Variants in MRE11 observed in about 807,000 individuals in gnomAD.
MRE11 encodes MRE11 double strand break repair nuclease.
A neutral mutation model predicts 91.7 loss-of-function variants in MRE11; 62 were observed. The observed-to-expected ratio is 0.68, with a 90% CI of 0.55 to 0.84. The LOEUF is 0.84. Ranked by LOEUF, MRE11 falls within the 40% of genes least tolerant of loss-of-function variation. The pLI, the probability that MRE11 is intolerant of heterozygous loss-of-function variation, is 0.00. For synonymous variants in MRE11, 273 were observed against 271.4 expected, an observed-to-expected ratio of 1.01 and a Z score of -0.06; for missense variants, 796 against 852.9, an observed-to-expected ratio of 0.93 and a Z score of 0.83.
At chr11:94,495,274 C>T (rs1186326934), upstream of MRE11, among the ~76,000 whole-genome samples, 2 of 152,070 alleles carry the variant, frequency 1.3e-5, no homozygotes, top group Admixed American at 6.5e-5. Flanking sequence ...TTCTCAGAAT[C>T]CATTCCAGGC....
intron 16 of MRE11, among the ~76,000 whole-genome samples, chr11:94,442,432 C>T (rs1945805940): frequency 6.6e-6 from 1 of 151,850 alleles, no homozygotes; most frequent in Non-Finnish European, 1.5e-5. Context: ...GAAAGCTTAA[C>T]ATAAAACAAG....
At chr11:94,506,592 TG>T in the MRE11 span, among the ~76,000 whole-genome samples, 125 of 148,242 alleles carry the variant, frequency 8.4e-4, 1 homozygote, top group African/African-American at 3.1e-3. Context: ...TTGCTTTTTT[TG>T]TTTTTTTTTT....
chr11:94,482,140 T>C (rs1270146), intron 4 of MRE11, among the ~76,000 whole-genome samples: 78,132 of 152,042 alleles, frequency 0.51, 20,672 homozygotes, highest in African/African-American at 0.64. Flanking sequence ...TTAAGAACAA[T>C]GAGAAAATCT....
chr11:94,456,472 A>G (rs879332345), intron 13 of MRE11, 134 bp from the exon 14 acceptor site: 12 of 721,284 alleles, frequency 1.7e-5, no homozygotes, highest in Non-Finnish European at 2.8e-5. Flanking sequence ...AAAGTAAATC[A>G]TATTTTTCCA....
chr11:94,477,241 A>C (rs749668444), intron 6 of MRE11, among the ~76,000 whole-genome samples: 1 of 152,180 alleles, frequency 6.6e-6, no homozygotes, highest in Non-Finnish European at 1.5e-5. Context: ...GCAGAAATAA[A>C]TATTAAAAGG....
At chr11:94,496,974 G>A (rs1195342126), upstream of MRE11, 1 of 1,611,434 alleles carries the variant, frequency 6.2e-7, no homozygotes, top group Non-Finnish European at 8.5e-7. Flanking sequence ...ATTACAGAGG[G>A]AAGTGTGACA....
rs1211075287 is a variant in MRE11, at chr11:94,417,055, CAACCTCTGCCTCCTGGGTTCA to C, written c.*3049_*3069del. 1 of 153,126 alleles carries C rather than the reference CAACCTCTGCCTCCTGGGTTCA, an allele frequency of 6.5e-6. No individual in the cohort carries two copies. Among genetic ancestry groups the C allele is most frequent in the Non-Finnish European group, 1.5e-5 (1 of 68,856 alleles). The allele number at this position is 153,126 out of a possible 1,614,324, so 9.5% of individuals were successfully genotyped here. A position where few individuals can be genotyped will look rare whatever the true frequency, so the allele number is the denominator to read the frequency against. ...GCAATGGCACAATCTCGGCTCACTG[CAACCTCTGCCTCCTGGGTTCA>C]AGCGATTCTCCTGCCTCAGCCTCCT... On this transcript the variant is annotated 3_prime_UTR_variant, in exon 20 of 20. Transcript: ENST00000323929.
intron 19 of MRE11, among the ~76,000 whole-genome samples, chr11:94,420,907 C>G (rs1221650532): frequency 1.3e-5 from 2 of 152,080 alleles, no homozygotes; most frequent in Non-Finnish European, 2.9e-5. Context: ...TGGCGGGCGC[C>G]TGTAGTCCCA....
At chr11:94,459,252 T>C (rs1269749445) in intron 13 of MRE11, among the ~76,000 whole-genome samples, 156 bp downstream of exon 13, 1 of 152,228 alleles carries the variant, frequency 6.6e-6, no homozygotes, top group African/African-American at 2.4e-5. Flanking sequence ...TTCTACATTT[T>C]CTAATTTAAC....
At chr11:94,498,625 T>C (rs1947451888), upstream of MRE11, 3 of 1,122,740 alleles carry the variant, frequency 2.7e-6, no homozygotes, top group African/African-American at 3.1e-5. Flanking sequence ...AACATCTTAC[T>C]ACAAAAATTC....
chr11:94,445,026 G>C (rs1422364850), intron 16 of MRE11, among the ~76,000 whole-genome samples: 1 of 151,978 alleles, frequency 6.6e-6, no homozygotes, highest in Non-Finnish European at 1.5e-5. Context: ...TAGTTAAACA[G>C]ATCCCCTTGA....
intron 13 of MRE11, among the ~76,000 whole-genome samples, chr11:94,456,919 C>T (rs1158273946): frequency 6.6e-6 from 1 of 152,078 alleles, no homozygotes; most frequent in Admixed American, 6.6e-5. Context: ...TTCTTTAAGC[C>T]CATTTATTTA....
intron 2 of MRE11, chr11:94,492,576 C>G (rs1019589623): frequency 6.9e-6 from 6 of 867,152 alleles, no homozygotes; most frequent in Non-Finnish European, 1.1e-5. Context: ...CTGCAAGACT[C>G]CAATCTATAG....
chr11:94,465,972 T>C (rs1187630064), intron 10 of MRE11, among the ~76,000 whole-genome samples: 1 of 152,050 alleles, frequency 6.6e-6, no homozygotes, highest in African/African-American at 2.4e-5. Context: ...AAGAGGTATG[T>C]ACAAAGTTGG....
intron 3 of MRE11, among the ~76,000 whole-genome samples, chr11:94,490,282 T>C (rs1245988672): frequency 1.3e-5 from 2 of 152,160 alleles, no homozygotes; most frequent in Non-Finnish European, 2.9e-5. Flanking sequence ...ACGGGTTTCC[T>C]CACTCCTGCT....
intron 8 of MRE11, 90 bp from the exon 9 acceptor site, chr11:94,470,732 A>G (rs1946687584): frequency 5.3e-6 from 7 of 1,308,876 alleles, no homozygotes; most frequent in Non-Finnish European, 5.5e-6. Flanking sequence ...TTAGTTTCTA[A>G]AAATGCTTCT....
intron 11 of MRE11, among the ~76,000 whole-genome samples, chr11:94,461,818 G>A (rs924497686): frequency 5.9e-5 from 9 of 152,212 alleles, no homozygotes; most frequent in Non-Finnish European, 1.2e-4. Context: ...GCTCACGCCT[G>A]TAATCCCAGC....
chr11:94,441,188 C>T (rs1264285532), intron 16 of MRE11, among the ~76,000 whole-genome samples: 3 of 152,168 alleles, frequency 2.0e-5, no homozygotes, highest in Non-Finnish European at 4.4e-5. Flanking sequence ...AGGTAGGAAG[C>T]CTGTATTTCT....
intron 16 of MRE11, among the ~76,000 whole-genome samples, chr11:94,439,861 C>T (rs1219767004): frequency 6.6e-6 from 1 of 152,220 alleles, no homozygotes; most frequent in East Asian, 1.9e-4. Context: ...CCAAGATCTT[C>T]CTCACTTTAG....
Sources: gnomAD v4.1 joint callset for allele counts (sites outside exome capture counted in the v4.1 genomes callset) on GRCh38, gnomAD v4.1.1 for gene constraint, MANE v1.5 for transcripts, NCBI Gene and HGNC (gene_info 2026-07-23, HGNC 2026-07-21) for gene names.